Variants in LMLN observed in about 807,000 individuals in gnomAD.
The protein encoded by LMLN is leishmanolysin like peptidase.
LMLN carries 70 observed loss-of-function variants against 92.3 expected under a neutral mutation model. The observed-to-expected ratio is 0.76, with a 90% CI of 0.63 to 0.92. LMLN has a LOEUF of 0.92. Ranked by LOEUF, LMLN falls within the 40% of genes least tolerant of loss-of-function variation. The pLI is 0.00. For synonymous variants in LMLN, 308 were observed against 296.2 expected, an observed-to-expected ratio of 1.04 and a Z score of -0.41; for missense variants, 691 against 814.6, an observed-to-expected ratio of 0.85 and a Z score of 1.85.
At chr3:197,995,193 T>G (rs934558369) in intron 9 of LMLN, among the ~76,000 whole-genome samples, 1 of 152,230 alleles carries the variant, frequency 6.6e-6, no homozygotes, top group Non-Finnish European at 1.5e-5. Flanking sequence ...CTGATGATAT[T>G]TTTATAACAT....
intron 11 of LMLN, among the ~76,000 whole-genome samples, chr3:198,015,732 T>C (rs149206290): frequency 0.068 from 9,902 of 145,006 alleles, 438 homozygotes; most frequent in African/African-American, 0.11. Context: ...CCCTTCAGAG[T>C]CCCCTAACTA....
intron 1 of LMLN, among the ~76,000 whole-genome samples, chr3:197,965,043 G>A (rs1022585932): frequency 2.0e-5 from 3 of 151,002 alleles, no homozygotes; most frequent in Admixed American, 6.6e-5. Context: ...GAGACAAGGT[G>A]TCCCTCTGTC....
intron 1 of LMLN, among the ~76,000 whole-genome samples, chr3:197,962,662 T>C (rs1167499958): frequency 6.6e-6 from 1 of 152,184 alleles, no homozygotes; most frequent in Admixed American, 6.5e-5. Flanking sequence ...AAATACCCCC[T>C]AGGTCATAAA....
At chr3:198,032,340 G>A (rs551757782) in intron 14 of LMLN, among the ~76,000 whole-genome samples, 6 of 152,212 alleles carry the variant, frequency 3.9e-5, no homozygotes, top group African/African-American at 1.2e-4. Context: ...TGTAAACTTC[G>A]AGTCCTTATT....
At chr3:197,971,123 C>T (rs1044378056) in intron 1 of LMLN, among the ~76,000 whole-genome samples, 3 of 152,176 alleles carry the variant, frequency 2.0e-5, no homozygotes, top group Non-Finnish European at 2.9e-5. Flanking sequence ...AAGTCAATGC[C>T]ATTCGTACTT....
intron 11 of LMLN, among the ~76,000 whole-genome samples, chr3:198,017,284 G>C (rs1304214154): frequency 6.6e-6 from 1 of 152,158 alleles, no homozygotes; most frequent in Non-Finnish European, 1.5e-5. Context: ...CACAGACCCA[G>C]TCTGCCTGTA....
chr3:197,981,569 G>C (rs959811651), intron 6 of LMLN, among the ~76,000 whole-genome samples: 2 of 152,194 alleles, frequency 1.3e-5, no homozygotes, highest in Non-Finnish European at 2.9e-5. Context: ...ACATCACTTA[G>C]ACATTCAGAG....
chr3:198,034,383 G>A (rs901788886), intron 14 of LMLN, among the ~76,000 whole-genome samples: 1 of 152,296 alleles, frequency 6.6e-6, no homozygotes, highest in South Asian at 2.1e-4. Flanking sequence ...GCCGAGGCGG[G>A]CAGATCACCT....
intron 6 of LMLN, chr3:197,980,711 G>A: frequency 2.3e-6 from 1 of 439,970 alleles, no homozygotes; most frequent in Non-Finnish European, 4.0e-6. Flanking sequence ...TTTAGTCAAA[G>A]TGAAAGAGAG....
In LMLN at chr3:197,990,510, A is replaced by T. The variant is rs554917611; in HGVS notation, c.930-49A>T. 29 of 795,514 alleles carry T rather than the reference A, an allele frequency of 3.6e-5. No homozygotes were observed. In the South Asian group the frequency reaches 4.7e-4, roughly 13 times the overall value. The allele number at this position is 795,514 out of a possible 1,614,324, so 49.3% of individuals were successfully genotyped here. On this transcript the variant is annotated intron_variant, in intron 8 of 15. Transcript: ENST00000330198. ...AGTAAATGTAAATATTTTTATATTT[A>T]AAATGGTGAATTTTCAGTAATAATT... is the stretch of plus-strand genomic sequence containing the variant.
At chr3:197,971,624 G>C (rs747304549) in intron 1 of LMLN, among the ~76,000 whole-genome samples, 18 of 152,118 alleles carry the variant, frequency 1.2e-4, no homozygotes, top group Non-Finnish European at 2.1e-4. Context: ...TCACTCTGTT[G>C]CCCAGGCTGG....
At chr3:197,983,112 G>A (rs1181772339) in intron 6 of LMLN, among the ~76,000 whole-genome samples, 2 of 152,206 alleles carry the variant, frequency 1.3e-5, no homozygotes, top group African/African-American at 2.4e-5. Context: ...TTCTAATTCT[G>A]TGTCTGTTGC....
At chr3:197,993,346 T>C (rs1430149196) in intron 9 of LMLN, among the ~76,000 whole-genome samples, 9 of 152,170 alleles carry the variant, frequency 5.9e-5, no homozygotes, top group African/African-American at 2.2e-4. Flanking sequence ...GATGATCTTA[T>C]ACATAGAAAA....
intron 6 of LMLN, among the ~76,000 whole-genome samples, chr3:197,982,606 C>T (rs765307458): frequency 3.9e-5 from 6 of 152,120 alleles, no homozygotes; most frequent in Middle Eastern, 3.2e-3. Flanking sequence ...AATATTTGAG[C>T]GGCCAACAGA....
At chr3:198,039,100 AC>A (rs201143085) in exon 16 of LMLN, 1 of 157,312 alleles carries the variant, frequency 6.4e-6, no homozygotes, top group African/African-American at 3.0e-5. Flanking sequence ...CTGCAACCCA[AC>A]CACCTTCATC....
Position 198,031,489 on chromosome 3 carries a change from G to A in LMLN, c.1657-4344G>A, listed in dbSNP as rs975241892. 6.6e-6 allele frequency among the ~76,000 whole-genome samples: 1 copy of A among 152,078 alleles called. No individual in the cohort carries two copies. The highest frequency in any genetic ancestry group is 1.5e-5 in the Non-Finnish European group (1 of 68,024). ...AAAACAGCACATTTTGGGGTGGCGT[G>A]TTCTGCCGTCCTTCAATAGCTTGGG... On this transcript the variant is annotated intron_variant, in intron 14 of 15. Coordinates refer to ENST00000330198, the Ensembl canonical transcript of LMLN. The surrounding 1 kb of genome is among the most constrained non-coding windows in gnomAD (Gnocchi z 4.8).
chr3:197,999,562 C>G, intron 11 of LMLN: 1 of 532,882 alleles, frequency 1.9e-6, no homozygotes, highest in Non-Finnish European at 3.4e-6. Context: ...TAGGGTCTCA[C>G]TCCTTCTGCG....
exon 2 of LMLN, chr3:197,974,449 A>G: frequency 6.3e-7 from 1 of 1,576,442 alleles, no homozygotes; most frequent in South Asian, 1.2e-5. Context: ...AAGAATCAAG[A>G]CTGTCTATGA....
intron 11 of LMLN, among the ~76,000 whole-genome samples, chr3:198,005,932 C>T (rs529510741): frequency 6.6e-6 from 1 of 152,240 alleles, no homozygotes; most frequent in South Asian, 2.1e-4. Flanking sequence ...GCCTGGCCAA[C>T]ATAGTGAAAC....
Sources: gnomAD v4.1 joint callset for allele counts (sites outside exome capture counted in the v4.1 genomes callset) on GRCh38, gnomAD v4.1.1 for gene constraint, Gnocchi (gnomAD v3.1) non-coding constraint, MANE v1.5 for transcripts, NCBI Gene and HGNC (gene_info 2026-07-23, HGNC 2026-07-21) for gene names.